Variants in DPYD observed in about 807,000 individuals in gnomAD.
DPYD encodes the protein dihydropyrimidine dehydrogenase [NADP(+)].
DPYD carries 109 observed loss-of-function variants against 116.2 expected under a neutral mutation model. The ratio of observed to expected loss-of-function variants is 0.94; its 90% CI spans 0.80 to 1.10. The LOEUF (loss-of-function observed/expected upper bound fraction) is 1.10. Ranked by LOEUF, DPYD falls within the 50% of genes least tolerant of loss-of-function variation. The probability of loss-of-function intolerance (pLI) is 0.00; values close to 1 mark genes in which losing one functional copy is unlikely to be tolerated. For missense variants in DPYD, 1,302 were observed against 1,254.5 expected (o/e 1.04, Z -0.57); for synonymous variants, 440 against 432.0 (o/e 1.02, Z -0.23).
At chr1:97,442,405 A>G (rs778565690) in intron 14 of DPYD, among the ~76,000 whole-genome samples, 10 of 150,852 alleles carry the variant, frequency 6.6e-5, no homozygotes, top group Admixed American at 2.0e-4. Flanking sequence ...CGAATGTCCT[A>G]TGTCAAGAAA....
rs182409773 is a variant in DPYD at position 97,106,178 on chromosome 1, T to C, written c.2623-7546A>G. 9.9e-5 allele frequency among the ~76,000 whole-genome samples: 15 copies of C among 152,116 alleles called. No homozygotes were observed. In the East Asian group the frequency reaches 2.9e-3, roughly 30 times the overall value. On this transcript the variant is annotated intron_variant, in intron 20 of 22. Transcript: ENST00000370192. ...GTTGGAGATGGGATTCTGGTAGTGG[T>C]AGGAAAGTGAACTAGATGAGTTCTA... is the stretch of plus-strand genomic sequence containing the variant.
chr1:97,115,220 G>C (rs957282088), intron 20 of DPYD, among the ~76,000 whole-genome samples: 2 of 152,178 alleles, frequency 1.3e-5, no homozygotes, highest in African/African-American at 4.8e-5. Context: ...ACAGAATAAA[G>C]GGTGGGTGCT....
chr1:97,769,104 T>C (rs1666018767), intron 3 of DPYD, among the ~76,000 whole-genome samples: 1 of 152,138 alleles, frequency 6.6e-6, no homozygotes, highest in Non-Finnish European at 1.5e-5. Flanking sequence ...TTCATCTTTC[T>C]ATTGACAGAA....
chr1:97,753,308 C>G (rs1337961220), intron 3 of DPYD, among the ~76,000 whole-genome samples: 3 of 152,128 alleles, frequency 2.0e-5, no homozygotes, highest in Non-Finnish European at 4.4e-5. Context: ...TCCTGATAAT[C>G]ATCAAGAAGT....
At chr1:97,439,633 G>C (rs1451635838) in intron 14 of DPYD, among the ~76,000 whole-genome samples, 1 of 151,788 alleles carries the variant, frequency 6.6e-6, no homozygotes, top group African/African-American at 2.4e-5. Flanking sequence ...GCTAAAGTTT[G>C]GTCAATTTTT....
chr1:97,195,634 G>GTATATATA (rs71071637), intron 19 of DPYD, among the ~76,000 whole-genome samples: 94 of 57,626 alleles, frequency 1.6e-3, no homozygotes, highest in Non-Finnish European at 2.2e-3. Context: ...ATATGTATGT[G>GTATATATA]TATATATATA....
At chr1:97,696,364 T>C (rs1661305996) in intron 6 of DPYD, among the ~76,000 whole-genome samples, 1 of 152,108 alleles carries the variant, frequency 6.6e-6, no homozygotes, top group African/African-American at 2.4e-5. Flanking sequence ...AGGATTTGAA[T>C]GTATAAATCT....
chr1:97,299,700 G>C (rs758546352), intron 18 of DPYD, among the ~76,000 whole-genome samples: 5 of 152,040 alleles, frequency 3.3e-5, no homozygotes, highest in Admixed American at 6.6e-5. Flanking sequence ...TCAAGCCAAG[G>C]CAAGGCTGTA....
intron 15 of DPYD, among the ~76,000 whole-genome samples, chr1:97,380,886 G>T (rs1452178617): frequency 6.6e-6 from 1 of 152,052 alleles, no homozygotes; most frequent in Non-Finnish European, 1.5e-5. Flanking sequence ...AACGTTATTG[G>T]GTGCCTACCA....
At chr1:97,669,830 T>A (rs2100891847) in intron 8 of DPYD, among the ~76,000 whole-genome samples, 1 of 152,300 alleles carries the variant, frequency 6.6e-6, no homozygotes, top group Non-Finnish European at 1.5e-5. Context: ...ATATGCCTAG[T>A]TTCCTCCAAC....
At chr1:97,361,038 CAA>C (rs570685801) in intron 16 of DPYD, among the ~76,000 whole-genome samples, 1 of 151,728 alleles carries the variant, frequency 6.6e-6, no homozygotes, top group South Asian at 2.1e-4. Context: ...AAAAGATCAA[CAA>C]AATTGATAGA....
At chr1:97,161,530 T>C (rs1180756215) in intron 20 of DPYD, among the ~76,000 whole-genome samples, 1 of 152,154 alleles carries the variant, frequency 6.6e-6, no homozygotes, top group African/African-American at 2.4e-5. Context: ...ATTATCCTAC[T>C]TCACTTTTAA....
chr1:97,267,854 A>G (rs1664333560), intron 18 of DPYD, among the ~76,000 whole-genome samples: 1 of 152,136 alleles, frequency 6.6e-6, no homozygotes, highest in Admixed American at 6.6e-5. Flanking sequence ...ATTCCATCCC[A>G]ATGGCTTTAA....
At chr1:97,894,448 T>C (rs1162969784) in intron 1 of DPYD, among the ~76,000 whole-genome samples, 4 of 151,812 alleles carry the variant, frequency 2.6e-5, no homozygotes, top group Non-Finnish European at 5.9e-5. Context: ...ACTATTAATA[T>C]TGGGCATCAA....
intron 16 of DPYD, among the ~76,000 whole-genome samples, chr1:97,340,085 C>T (rs1669514280): frequency 6.6e-6 from 1 of 151,560 alleles, no homozygotes; most frequent in Admixed American, 6.6e-5. Flanking sequence ...AATTAAGAGA[C>T]TTTTAAAAAA....
At chr1:97,627,483 G>A (rs535876342) in intron 8 of DPYD, among the ~76,000 whole-genome samples, 2 of 152,098 alleles carry the variant, frequency 1.3e-5, no homozygotes, top group South Asian at 4.2e-4. Flanking sequence ...TCTGTTTCAG[G>A]TATTTTCCCT....
intron 12 of DPYD, among the ~76,000 whole-genome samples, chr1:97,535,045 A>G (rs1010745487): frequency 6.6e-6 from 1 of 152,130 alleles, no homozygotes. Context: ...TCTCAGAGAC[A>G]TAAGTGAGAA....
Position 97,283,852 on chromosome 1 carries a change from C to A in DPYD, c.2299+21407G>T, listed in dbSNP as rs1665488754. Among the ~76,000 whole-genome samples the A allele has an allele frequency of 2.6e-5, 4 of 152,166 alleles. 1 individual carries two copies. The South Asian group carries it at 8.3e-4, about 32-fold the overall frequency. Reference sequence around the variant, plus strand: ...TCTACTGTACAGTGGAACACTGGGTCCAAGAGTATAAGCCTTGGAATCAGT... The same window carrying A: ...TCTACTGTACAGTGGAACACTGGGTACAAGAGTATAAGCCTTGGAATCAGT... On this transcript the variant is annotated intron_variant, in intron 18 of 22. Coordinates refer to ENST00000370192, the MANE Select transcript of DPYD (RefSeq NM_000110.4).
chr1:97,118,620 T>C (rs1164060259), intron 20 of DPYD, among the ~76,000 whole-genome samples: 3 of 152,176 alleles, frequency 2.0e-5, no homozygotes. Flanking sequence ...GAACGTGGAA[T>C]CAATACTCAA....
Sources: allele counts gnomAD v4.1 joint callset (sites outside exome capture counted in the v4.1 genomes callset), GRCh38; gene constraint gnomAD v4.1.1; transcripts MANE v1.5; gene names NCBI Gene and HGNC (gene_info 2026-07-23, HGNC 2026-07-21).